ZFP3: variants seen among roughly 807,000 people sequenced by gnomAD.
ZFP3 encodes the protein ZFP3 zinc finger protein, also known as zinc finger protein 3 homolog.
Under a neutral mutation model 36.7 loss-of-function variants are expected in ZFP3, and 18 were observed. The observed-to-expected ratio is 0.49, with a 90% confidence interval of 0.34 to 0.73. ZFP3 has a LOEUF of 0.73. Ranked by LOEUF, ZFP3 falls within the 30% of genes least tolerant of loss-of-function variation. The pLI is 0.01. For missense variants in ZFP3, 495 were observed against 599.0 expected (o/e 0.83, Z 1.81); for synonymous variants, 218 against 199.0 (o/e 1.10, Z -0.81).
rs777255505 is a variant in ZFP3 at position 5,092,919 on chromosome 17, C to T, written c.1415C>T (p.Thr472Ile). ...SQLIIHQRIH[T>I]GEKPYECQEC... is the part of the protein sequence containing the mutation. ...CTTATCATACATCAGAGAATTCACA[C>T]TGGAGAGAAGCCTTATGAGTGCCAA... The change falls in exon 2 of 2, where the codon ACT becomes ATT. Residue 472 changes from threonine (T) to isoleucine (I), a missense_variant. This residue lies in a region of ZFP3 where 163 missense variants were observed against 178.4 expected (regional missense o/e 0.91). Coordinates refer to ENST00000318833, the MANE Select transcript of ZFP3 (RefSeq NM_153018.3). The surrounding 1 kb of genome is among the most constrained non-coding windows in gnomAD (Gnocchi z 5.0). 1 of 1,614,214 alleles carries T rather than the reference C, an allele frequency of 6.2e-7. No homozygotes were observed. The highest frequency in any genetic ancestry group is 1.3e-5 in the African/African-American group (1 of 75,060).
Position 5,094,503 on chromosome 17 carries a change from G to T in ZFP3, c.*1490G>T, listed in dbSNP as rs1404230735. 7.8e-5 allele frequency: 13 copies of T among 167,096 alleles called. No homozygotes were observed. Among genetic ancestry groups the T allele is most frequent in the African/African-American group, 3.1e-4 (13 of 41,450 alleles). 10.4% of individuals were successfully genotyped at this position (167,096 alleles called of 1,614,324 possible). On this transcript the variant is annotated 3_prime_UTR_variant, in exon 2 of 2. Transcript: ENST00000318833. ...CTAATGGGGGCCCAACAGGCCTGGGGGCTGGTCTTAGCGCTAGACCTTGAA... is the reference window on the plus strand; with the variant it reads ...CTAATGGGGGCCCAACAGGCCTGGGTGCTGGTCTTAGCGCTAGACCTTGAA...
At chr17:5,081,958 T>C (rs2072095833) in intron 1 of ZFP3, among the ~76,000 whole-genome samples, 2 of 146,880 alleles carry the variant, frequency 1.4e-5, no homozygotes, top group African/African-American at 5.0e-5. Flanking sequence ...ACGCCTGTAA[T>C]CCTAGCACTT....
rs2072165494 is a variant in ZFP3 at position 5,093,954 on chromosome 17, AT to A, written c.*943del. ...GTGCTCAGACTGACTGCTCCTAAGA[AT>A]TCTGCTGCATATATTTTTAGCCCCA... is the stretch of plus-strand genomic sequence containing the variant. On this transcript the variant is annotated 3_prime_UTR_variant, in exon 2 of 2. Transcript: ENST00000318833. 6.0e-6 allele frequency: 1 copy of A among 167,180 alleles called. No individual in the cohort carries two copies. Among genetic ancestry groups the A allele is most frequent in the Non-Finnish European group, 1.5e-5 (1 of 68,172 alleles). 10.4% of individuals were successfully genotyped at this position (167,180 alleles called of 1,614,324 possible). A position where few individuals can be genotyped will look rare whatever the true frequency, so the allele number is the denominator to read the frequency against.
chr17:5,083,733 C>G (rs1056610450), intron 1 of ZFP3, among the ~76,000 whole-genome samples: 16 of 152,142 alleles, frequency 1.1e-4, no homozygotes, highest in Non-Finnish European at 1.8e-4. Flanking sequence ...CGCAGCTAGC[C>G]TAGTTCCAGG....
Position 5,092,458 on chromosome 17 carries a change from C to T in ZFP3, c.954C>T (p.Phe318=), listed in dbSNP as rs747346800. 60 of 1,613,948 alleles carry T rather than the reference C, an allele frequency of 3.7e-5. No individual in the cohort carries two copies. The highest frequency in any genetic ancestry group is 2.4e-4 in the African/African-American group (18 of 74,892). Residue 318 remains phenylalanine (F), a synonymous_variant, in exon 2 of 2, where the codon TTC becomes TTT. Coordinates refer to ENST00000318833, the MANE Select transcript of ZFP3 (RefSeq NM_153018.3). This position sits in a 1 kb window ranked among gnomAD's most constrained non-coding sequence, Gnocchi z 5.0. ...TGTGTAATGAATGTGGGAAGGGCTT[C>T]GGGCAGAGTTCTGAGCTTATCCGGC... The part of the protein sequence containing the change: ...PYLCNECGKG[F]GQSSELIRHQ...
At position 5,093,167 on chromosome 17, in the gene ZFP3, A is replaced by T; in HGVS notation, c.*154A>T. ...GATTTTAAATAGTTGGTTGAAGAAGATGAGGCACTTTTTTTTTTTTTTTTT... is the reference window on the plus strand; with the variant it reads ...GATTTTAAATAGTTGGTTGAAGAAGTTGAGGCACTTTTTTTTTTTTTTTTT... On this transcript the variant is annotated 3_prime_UTR_variant, in exon 2 of 2. Coordinates refer to ENST00000318833, the MANE Select transcript of ZFP3 (RefSeq NM_153018.3). 4 of 781,532 alleles carry T rather than the reference A, an allele frequency of 5.1e-6. No homozygotes were observed. The highest frequency in any genetic ancestry group is 2.7e-5 in the South Asian group (1 of 37,024). The allele number at this position is 781,532 out of a possible 1,614,324, so 48.4% of individuals were successfully genotyped here. A position where few individuals can be genotyped will look rare whatever the true frequency, so the allele number is the denominator to read the frequency against.
At chr17:5,083,545 C>CAAAAAAA (rs35689875) in intron 1 of ZFP3, among the ~76,000 whole-genome samples, 11 of 138,934 alleles carry the variant, frequency 7.9e-5, no homozygotes, top group African/African-American at 3.0e-4. Flanking sequence ...AACTCTATCT[C>CAAAAAAA]AAAAAAAAAA....
In ZFP3 at chr17:5,095,191, T is replaced by G. The variant is rs1003275420; in HGVS notation, c.*2178T>G. On this transcript the variant is annotated 3_prime_UTR_variant, in exon 2 of 2. Transcript: ENST00000318833. ...CAAATGGGTTTATTCTGTACTCCAA[T>G]ATAGGTGTCTTCCCAGGTTTATATC... 6 of 167,232 alleles carry G rather than the reference T, an allele frequency of 3.6e-5. No homozygotes were observed. Among genetic ancestry groups the G allele is most frequent in the Non-Finnish European group, 8.8e-5 (6 of 68,124 alleles). The allele number at this position is 167,232 out of a possible 1,614,324, so 10.4% of individuals were successfully genotyped here.
chr17:5,092,331 C>G lies in ZFP3; in HGVS notation c.827C>G (p.Thr276Ser), dbSNP rs945530444. The G allele has an allele frequency of 4.3e-6, 7 of 1,614,080 alleles. No individual in the cohort carries two copies. The highest frequency in any genetic ancestry group is 5.9e-6 in the Non-Finnish European group (7 of 1,180,036). The change falls in exon 2 of 2, where the codon ACT becomes AGT. Residue 276 changes from threonine (T) to serine (S), a missense_variant. Physicochemically the swap from Thr to Ser is moderately conservative, Grantham distance 58. This residue lies in a region of ZFP3 where 103 missense variants were observed against 186.8 expected (regional missense o/e 0.55). Coordinates refer to ENST00000318833, the MANE Select transcript of ZFP3 (RefSeq NM_153018.3). The surrounding 1 kb of genome is among the most constrained non-coding windows in gnomAD (Gnocchi z 5.0). ...SQLIQHQRIH[T>S]EERYHECNEC... ...CTTATTCAGCATCAGAGAATTCATA[C>G]TGAAGAAAGATACCATGAATGCAAT...
At chr17:5,080,043 GAA>G (rs111980978) in intron 1 of ZFP3, among the ~76,000 whole-genome samples, 2 of 140,666 alleles carry the variant, frequency 1.4e-5, no homozygotes, top group African/African-American at 5.2e-5. Flanking sequence ...CATCTCCAAA[GAA>G]AAAAAAAAAA....
Position 5,093,315 on chromosome 17 carries a change from CT to C in ZFP3, c.*303del. ...GCCTCAGCCTTCCAAATAGCTAGGA[CT>C]GCAGGCACTAATGAGGCACTTTTAT... On this transcript the variant is annotated 3_prime_UTR_variant, in exon 2 of 2. Coordinates refer to ENST00000318833, the MANE Select transcript of ZFP3 (RefSeq NM_153018.3). 1 of 299,562 alleles carries C rather than the reference CT, an allele frequency of 3.3e-6. No homozygotes were observed. The highest frequency in any genetic ancestry group is 6.5e-6 in the Non-Finnish European group (1 of 153,614). 18.6% of individuals were successfully genotyped at this position (299,562 alleles called of 1,614,324 possible). A position where few individuals can be genotyped will look rare whatever the true frequency, so the allele number is the denominator to read the frequency against.
intron 1 of ZFP3, among the ~76,000 whole-genome samples, chr17:5,081,630 C>G (rs1429642305): frequency 6.6e-6 from 1 of 151,128 alleles, no homozygotes; most frequent in Non-Finnish European, 1.5e-5. Flanking sequence ...GAGACGGAGT[C>G]TCGCTCTATC....
At position 5,091,571 on chromosome 17, in the gene ZFP3, T is replaced by C; in HGVS notation, c.67T>C (p.Ser23Pro). 7.4e-6 allele frequency: 12 copies of C among 1,614,210 alleles called. No homozygotes were observed. The highest frequency in any genetic ancestry group is 1.0e-5 in the Non-Finnish European group (12 of 1,180,042). Residue 23 changes from serine (S) to proline (P), a missense_variant, in exon 2 of 2, where the codon TCA (serine) becomes CCA (proline). Around this residue, in one of 3 missense-constraint regions of ZFP3, gnomAD observed 229 missense variants for 233.8 expected, o/e 0.98. Coordinates refer to ENST00000318833, the MANE Select transcript of ZFP3 (RefSeq NM_153018.3). Reference sequence around the variant, plus strand: ...TTCTGAAGAATCTGAGCCACATGGGTCATTATTAGAAAAATTTCCAAAAGT... The same window carrying C: ...TTCTGAAGAATCTGAGCCACATGGGCCATTATTAGAAAAATTTCCAAAAGT... The part of the protein sequence containing the change: ...EISEESEPHG[S>P]LLEKFPKVVY...
chr17:5,081,625 G>A (rs994055307), intron 1 of ZFP3, among the ~76,000 whole-genome samples: 3 of 149,574 alleles, frequency 2.0e-5, no homozygotes, highest in Admixed American at 6.6e-5. Flanking sequence ...TTTTTGAGAC[G>A]GAGTCTCGCT....
intron 1 of ZFP3, among the ~76,000 whole-genome samples, chr17:5,085,988 TG>T (rs2072118957): frequency 6.6e-6 from 1 of 152,160 alleles, no homozygotes; most frequent in South Asian, 2.1e-4. Context: ...GATGGTACCA[TG>T]GAGGAAGAAG....
Position 5,095,666 on chromosome 17 carries a change from T to C in ZFP3, c.*2653T>C, listed in dbSNP as rs572971545. 2 of 166,720 alleles carry C rather than the reference T, an allele frequency of 1.2e-5. No individual in the cohort carries two copies. Among genetic ancestry groups the C allele is most frequent in the East Asian group, 3.9e-4 (2 of 5,170 alleles). 10.3% of individuals were successfully genotyped at this position (166,720 alleles called of 1,614,324 possible). ...AGACATTTTGTTCTCAGAAGTACCT[T>C]ACTGGCCAAACCAATGAAGGTTTTC... On this transcript the variant is annotated 3_prime_UTR_variant, in exon 2 of 2. Transcript: ENST00000318833.
At chr17:5,085,135 G>A (rs942107466) in intron 1 of ZFP3, among the ~76,000 whole-genome samples, 2 of 152,010 alleles carry the variant, frequency 1.3e-5, no homozygotes, top group African/African-American at 4.8e-5. Flanking sequence ...TGCCTCCTGG[G>A]CTCAAGCGAT....
At chr17:5,085,329 G>C (rs2072115206) in intron 1 of ZFP3, among the ~76,000 whole-genome samples, 1 of 151,696 alleles carries the variant, frequency 6.6e-6, no homozygotes, top group Non-Finnish European at 1.5e-5. Context: ...TTACAGGCAT[G>C]AGCCACCGTG....
chr17:5,088,561 G>A lies in ZFP3; in HGVS notation c.-8-2936G>A, dbSNP rs567074772. Among the ~76,000 whole-genome samples, 396 of 146,100 alleles carry A rather than the reference G, an allele frequency of 2.7e-3. 5 individuals are homozygous for A. Among genetic ancestry groups the A allele is most frequent in the African/African-American group, 9.6e-3 (376 of 39,304 alleles). ...AGTCTCCTGATCTCGTGATCCTCCC[G>A]CCTTGGCCTCCCAAAGTGCTGGGAC... On this transcript the variant is annotated intron_variant, in intron 1 of 1. Transcript: ENST00000318833.
Sources: gnomAD v4.1 joint callset for allele counts (sites outside exome capture counted in the v4.1 genomes callset) on GRCh38, gnomAD v4.1.1 for gene constraint, gnomAD v4.1.1 regional missense constraint, Gnocchi (gnomAD v3.1) non-coding constraint, MANE v1.5 for transcripts, NCBI Gene and HGNC (gene_info 2026-07-23, HGNC 2026-07-21) for gene names.